Variants in PTPRM observed in about 807,000 individuals in gnomAD.
PTPRM encodes receptor-type tyrosine-protein phosphatase mu.
PTPRM carries 47 observed loss-of-function variants against 186.7 expected under a neutral mutation model. The observed-to-expected ratio is 0.25, with a 90% CI of 0.20 to 0.32. The LOEUF is 0.32. Among genes scored for constraint, PTPRM ranks in the 10% least tolerant of loss-of-function variants. The pLI is 1.00. For synonymous variants in PTPRM, 668 were observed against 674.9 expected, an observed-to-expected ratio of 0.99 and a Z score of 0.16; for missense variants, 1,494 against 1,865.0, an observed-to-expected ratio of 0.80 and a Z score of 3.66.
At chr18:8,317,986 C>T (rs2095321328) in intron 21 of PTPRM, among the ~76,000 whole-genome samples, 1 of 152,106 alleles carries the variant, frequency 6.6e-6, no homozygotes, top group Admixed American at 6.5e-5. Flanking sequence ...TAATTTGAGA[C>T]CTACAGCAAG....
At chr18:7,817,769 A>G (rs1307749668) in intron 2 of PTPRM, among the ~76,000 whole-genome samples, 3 of 152,188 alleles carry the variant, frequency 2.0e-5, no homozygotes, top group African/African-American at 4.8e-5. Context: ...CGTTTGCACC[A>G]TGTGATTCTC....
At chr18:8,012,601 CTG>C (rs2084603495) in intron 7 of PTPRM, among the ~76,000 whole-genome samples, 1 of 152,188 alleles carries the variant, frequency 6.6e-6, no homozygotes, top group South Asian at 2.1e-4. Context: ...TAACATGTGA[CTG>C]TACTGAGTAC....
At chr18:7,892,465 G>C (rs960972978) in intron 3 of PTPRM, among the ~76,000 whole-genome samples, 2 of 152,114 alleles carry the variant, frequency 1.3e-5, no homozygotes, top group South Asian at 4.1e-4. Context: ...TACTTATCTT[G>C]AGCACCTTTG....
intron 14 of PTPRM, among the ~76,000 whole-genome samples, chr18:8,172,677 G>A (rs1006475155): frequency 1.4e-5 from 2 of 142,702 alleles, no homozygotes; most frequent in African/African-American, 5.3e-5. Flanking sequence ...CTTAACCATA[G>A]AATGTTAATG....
intron 14 of PTPRM, among the ~76,000 whole-genome samples, chr18:8,145,404 T>C (rs1288084158): frequency 2.6e-5 from 4 of 152,182 alleles, no homozygotes; most frequent in African/African-American, 4.8e-5. Context: ...ACACGTGCCA[T>C]GGTGGTTTGC....
In PTPRM at chr18:8,085,705, A is replaced by G. The variant is rs764469764; in HGVS notation, c.1586A>G (p.Glu529Gly). The G allele has an allele frequency of 6.2e-7, 1 of 1,610,624 alleles. No individual in the cohort carries two copies. The highest frequency in any genetic ancestry group is 8.5e-7 in the Non-Finnish European group (1 of 1,176,980). The change falls in exon 10 of 33, where the codon GAA (glutamate) becomes GGA (glycine). Residue 529 changes from glutamate (E) to glycine (G), a missense_variant. Around this residue, in one of 3 missense-constraint regions of PTPRM, gnomAD observed 1,107 missense variants for 1,350.2 expected, o/e 0.82. Transcript: ENST00000580170. Reference sequence around the variant, plus strand: ...AAAGCAGTCAGTTCCTTTGACCCAGAAATAGATTTATCCAATCAGAGTGGA... The same window carrying G: ...AAAGCAGTCAGTTCCTTTGACCCAGGAATAGATTTATCCAATCAGAGTGGA... ...TYKAVSSFDPEIDLSNQSGRV... is the reference protein window; with the variant it reads ...TYKAVSSFDPGIDLSNQSGRV...
At chr18:7,831,338 C>G (rs570535088) in intron 2 of PTPRM, among the ~76,000 whole-genome samples, 16 of 152,182 alleles carry the variant, frequency 1.1e-4, no homozygotes, top group African/African-American at 3.6e-4. Flanking sequence ...GATAGGCTCA[C>G]TGACTGGTAG....
chr18:7,633,961 A>G (rs900054336), intron 1 of PTPRM, among the ~76,000 whole-genome samples: 2 of 152,104 alleles, frequency 1.3e-5, no homozygotes, highest in African/African-American at 4.8e-5. Context: ...CAAAATATGA[A>G]TCTGATCACA....
chr18:7,884,082 G>C (rs1347972413), intron 2 of PTPRM, among the ~76,000 whole-genome samples: 1 of 152,170 alleles, frequency 6.6e-6, no homozygotes. Context: ...AGGAGGTCGA[G>C]GCTGCTATGA....
intron 7 of PTPRM, among the ~76,000 whole-genome samples, chr18:7,962,738 C>T (rs1259823761): frequency 6.6e-6 from 1 of 152,146 alleles, no homozygotes; most frequent in Non-Finnish European, 1.5e-5. Context: ...GGAAATAATT[C>T]TGGTTGAAAT....
intron 2 of PTPRM, among the ~76,000 whole-genome samples, chr18:7,851,246 T>G (rs928575812): frequency 6.6e-6 from 1 of 152,168 alleles, no homozygotes; most frequent in Non-Finnish European, 1.5e-5. Flanking sequence ...CATACATAAT[T>G]GGAGTATCTT....
intron 14 of PTPRM, among the ~76,000 whole-genome samples, chr18:8,160,543 C>T (rs866920778): frequency 2.0e-5 from 3 of 152,148 alleles, no homozygotes; most frequent in South Asian, 4.1e-4. Flanking sequence ...GATCCTCCTG[C>T]GTAAGCCTCC....
chr18:8,008,646 T>G (rs2084332342), intron 7 of PTPRM, among the ~76,000 whole-genome samples: 1 of 152,160 alleles, frequency 6.6e-6, no homozygotes, highest in South Asian at 2.1e-4. Flanking sequence ...TTCCTGTAGC[T>G]TTGGATGTGA....
chr18:8,204,593 T>C (rs2146881283), intron 14 of PTPRM, among the ~76,000 whole-genome samples: 1 of 152,140 alleles, frequency 6.6e-6, no homozygotes, highest in Non-Finnish European at 1.5e-5. Context: ...GACAGCTGCC[T>C]CCACAAGGAG....
At chr18:7,633,306 A>G (rs187299124) in intron 1 of PTPRM, among the ~76,000 whole-genome samples, 4 of 152,272 alleles carry the variant, frequency 2.6e-5, no homozygotes, top group African/African-American at 9.6e-5. Context: ...ACTCTCTTTC[A>G]TGTATTCTGT....
chr18:8,198,765 A>G (rs2093813717), intron 14 of PTPRM, among the ~76,000 whole-genome samples: 1 of 152,168 alleles, frequency 6.6e-6, no homozygotes, highest in Admixed American at 6.5e-5. Flanking sequence ...TTATCTAGAT[A>G]TGGTGGACAT....
chr18:7,840,982 T>C (rs727949), intron 2 of PTPRM, among the ~76,000 whole-genome samples: 100,218 of 151,992 alleles, frequency 0.66, 33,559 homozygotes, highest in East Asian at 0.96. Flanking sequence ...TGTAAAGTAC[T>C]ACAATAGAAG....
At chr18:7,793,747 C>A (rs2043460098) in intron 2 of PTPRM, among the ~76,000 whole-genome samples, 1 of 152,130 alleles carries the variant, frequency 6.6e-6, no homozygotes, top group Non-Finnish European at 1.5e-5. Context: ...TAGGTGAGGA[C>A]AGGCACTCCT....
intron 13 of PTPRM, among the ~76,000 whole-genome samples, chr18:8,116,869 C>T (rs963689827): frequency 1.3e-5 from 2 of 152,160 alleles, no homozygotes; most frequent in Admixed American, 6.5e-5. Context: ...TTTTCTGAGT[C>T]ATTTGCAAAC....
Sources: allele counts gnomAD v4.1 joint callset (sites outside exome capture counted in the v4.1 genomes callset), GRCh38; gene constraint gnomAD v4.1.1; regional missense constraint gnomAD v4.1.1; transcripts MANE v1.5; gene names NCBI Gene and HGNC (gene_info 2026-07-23, HGNC 2026-07-21).